The following SRC variants were observed in gnomAD, a reference collection of about 807,000 sequenced individuals.
SRC encodes SRC proto-oncogene, non-receptor tyrosine kinase, also known as proto-oncogene tyrosine-protein kinase Src.
SRC carries 13 observed loss-of-function variants against 62.9 expected under a neutral mutation model. The observed-to-expected ratio is 0.21, with a 90% CI of 0.13 to 0.33. SRC has a LOEUF of 0.33. SRC is among the 10% of genes least tolerant of loss of function. The pLI, the probability that SRC is intolerant of heterozygous loss-of-function variation, is 1.00. For missense variants in SRC, 457 were observed against 737.3 expected, an observed-to-expected ratio of 0.62 and a Z score of 4.40; for synonymous variants, 302 against 317.5, an observed-to-expected ratio of 0.95 and a Z score of 0.52.
intron 2 of SRC, among the ~76,000 whole-genome samples, chr20:37,372,837 G>A (rs1284951305): frequency 6.6e-6 from 1 of 151,880 alleles, no homozygotes; most frequent in African/African-American, 2.4e-5. Context: ...TATCATATGA[G>A]TTGCAATTAT....
intron 1 of SRC, among the ~76,000 whole-genome samples, chr20:37,362,362 C>T (rs1302884857): frequency 6.6e-6 from 1 of 152,112 alleles, no homozygotes; most frequent in South Asian, 2.1e-4. Flanking sequence ...CTCCTGGCCG[C>T]ACAGTGATTC....
At chr20:37,401,732 C>T in intron 11 of SRC, 54 bp downstream of exon 11, 1 of 1,402,544 alleles carries the variant, frequency 7.1e-7, no homozygotes, top group South Asian at 1.2e-5. Flanking sequence ...CACCCAGACC[C>T]ATCTGGTGCA....
chr20:37,378,934 G>A (rs7347850), intron 2 of SRC, among the ~76,000 whole-genome samples: 37,818 of 150,848 alleles, frequency 0.25, 5,893 homozygotes, highest in African/African-American at 0.45. Context: ...GGCTTGGCAC[G>A]TGGCAGGTGC....
chr20:37,355,167 G>A (rs1666487352), intron 1 of SRC, among the ~76,000 whole-genome samples: 1 of 152,140 alleles, frequency 6.6e-6, no homozygotes. Flanking sequence ...GATTTTGGGT[G>A]ATGCTGACTC....
chr20:37,401,057 C>T (rs1257318010), intron 10 of SRC, among the ~76,000 whole-genome samples: 3 of 151,992 alleles, frequency 2.0e-5, no homozygotes, highest in East Asian at 1.9e-4. Context: ...AGTGCAGTGG[C>T]GTGATCATAG....
At position 37,396,211 on chromosome 20, in the gene SRC, C is replaced by T. The variant is rs769476998; in HGVS notation, c.603C>T (p.Asn201=). The T allele has an allele frequency of 1.7e-5, 27 of 1,613,888 alleles. No individual in the cohort carries two copies. Among genetic ancestry groups the T allele is most frequent in the Admixed American group, 8.3e-5 (5 of 60,008 alleles). ...ACTTCGACAACGCCAAGGGCCTCAA[C>T]GTGAAGCACTACAAGATCCGCAAGC... The part of the protein sequence containing the change: ...VSDFDNAKGL[N]VKHYKIRKLD... Residue 201 remains asparagine (N), a synonymous_variant, in exon 8 of 14, where the codon AAC becomes AAT. Coordinates refer to ENST00000373578, the MANE Select transcript of SRC (RefSeq NM_198291.3). This position sits in a 1 kb window ranked among gnomAD's most constrained non-coding sequence, Gnocchi z 6.1.
chr20:37,394,564 C>T (rs2070608929), intron 7 of SRC, among the ~76,000 whole-genome samples: 1 of 152,126 alleles, frequency 6.6e-6, no homozygotes, highest in Admixed American at 6.5e-5. Context: ...CAGTAACAGG[C>T]TCGTTCCCAG....
Position 37,402,447 on chromosome 20 carries a change from A to G in SRC, c.1129A>G (p.Met377Val). Residue 377 changes from methionine (M) to valine (V), a missense_variant, in exon 12 of 14, where the codon ATG (methionine) becomes GTG (valine). Met to Val is a conservative substitution (Grantham distance 21). Coordinates refer to ENST00000373578, the MANE Select transcript of SRC (RefSeq NM_198291.3). This position sits in a 1 kb window ranked among gnomAD's most constrained non-coding sequence, Gnocchi z 6.2. ...GTTCCGCCTGCAGATCGCCTCAGGC[A>G]TGGCGTACGTGGAGCGGATGAACTA... ...VDMAAQIASG[M>V]AYVERMNYVH... 6.2e-7 allele frequency: 1 copy of G among 1,613,476 alleles called. No homozygotes were observed. The highest frequency in any genetic ancestry group is 8.5e-7 in the Non-Finnish European group (1 of 1,179,748).
At chr20:37,373,212 A>G (rs748687804) in intron 2 of SRC, among the ~76,000 whole-genome samples, 2 of 146,532 alleles carry the variant, frequency 1.4e-5, no homozygotes, top group East Asian at 1.9e-4. Flanking sequence ...ATATCTACAC[A>G]CATGTACATA....
intron 2 of SRC, among the ~76,000 whole-genome samples, chr20:37,369,106 GA>G (rs1450677905): frequency 7.2e-5 from 11 of 152,130 alleles, no homozygotes; most frequent in Non-Finnish European, 2.9e-5. Context: ...TTACAGTTTT[GA>G]AATTGAAAAG....
rs1479413147 is a variant in SRC, at chr20:37,384,269, G to C, written c.116G>C (p.Ser39Thr). Residue 39 changes from serine (S) to threonine (T), a missense_variant, in exon 4 of 14, where the codon AGC (serine) becomes ACC (threonine). Physicochemically the swap from Ser to Thr is moderately conservative, Grantham distance 58 (BLOSUM62 1). Coordinates refer to ENST00000373578, the MANE Select transcript of SRC (RefSeq NM_198291.3). This position sits in a 1 kb window ranked among gnomAD's most constrained non-coding sequence, Gnocchi z 6.7. ...GGAFPASQTP[S>T]KPASADGHRG... Reference sequence around the variant, plus strand: ...GCTTTCCCCGCCTCGCAGACCCCCAGCAAGCCAGCCTCGGCCGACGGCCAC... The same window carrying C: ...GCTTTCCCCGCCTCGCAGACCCCCACCAAGCCAGCCTCGGCCGACGGCCAC... The C allele has an allele frequency of 6.4e-7, 1 of 1,552,252 alleles. No individual in the cohort carries two copies. The highest frequency in any genetic ancestry group is 8.6e-7 in the Non-Finnish European group (1 of 1,158,828).
chr20:37,357,770 G>A (rs1254680364), intron 1 of SRC, among the ~76,000 whole-genome samples: 3 of 152,218 alleles, frequency 2.0e-5, no homozygotes, highest in Non-Finnish European at 2.9e-5. Context: ...ACAGGTGGTC[G>A]AGCAAGGCCT....
chr20:37,360,088 A>T (rs1461181976), intron 1 of SRC, among the ~76,000 whole-genome samples: 1 of 152,062 alleles, frequency 6.6e-6, no homozygotes, highest in African/African-American at 2.4e-5. Flanking sequence ...AATGACAGGC[A>T]TCTTATTTCA....
chr20:37,377,372 G>A (rs1300974479), intron 2 of SRC, among the ~76,000 whole-genome samples: 7 of 152,222 alleles, frequency 4.6e-5, no homozygotes, highest in African/African-American at 9.6e-5. Flanking sequence ...GCCAGGACTC[G>A]AACCCAGGTT....
At chr20:37,360,052 A>G (rs1298492189) in intron 1 of SRC, among the ~76,000 whole-genome samples, 1 of 151,730 alleles carries the variant, frequency 6.6e-6, no homozygotes, top group East Asian at 1.9e-4. Context: ...GTTCTATCCC[A>G]TCCTATCTTG....
chr20:37,355,271 C>T (rs2069864894), intron 1 of SRC, among the ~76,000 whole-genome samples: 1 of 151,668 alleles, frequency 6.6e-6, no homozygotes, highest in Admixed American at 6.6e-5. Context: ...CCGAAGGCCC[C>T]GGAACCAGAT....
At chr20:37,390,276 T>C (rs2070525375) in intron 5 of SRC, among the ~76,000 whole-genome samples, 2 of 152,152 alleles carry the variant, frequency 1.3e-5, no homozygotes, top group South Asian at 4.1e-4. Context: ...TGTGCTGCTT[T>C]GGTTTTTAAA....
At chr20:37,380,773 T>G (rs542787578) in intron 2 of SRC, among the ~76,000 whole-genome samples, 2 of 152,304 alleles carry the variant, frequency 1.3e-5, no homozygotes, top group South Asian at 4.1e-4. Context: ...CGTCTTGCGT[T>G]GCTGTGACGC....
At chr20:37,362,148 G>A (rs181105866) in intron 1 of SRC, among the ~76,000 whole-genome samples, 14 of 152,036 alleles carry the variant, frequency 9.2e-5, no homozygotes, top group Admixed American at 8.5e-4. Flanking sequence ...TCAAACTCCT[G>A]GGTGCAAGCA....
Sources: allele counts gnomAD v4.1 joint callset (sites outside exome capture counted in the v4.1 genomes callset), GRCh38; gene constraint gnomAD v4.1.1; non-coding constraint Gnocchi (gnomAD v3.1); transcripts MANE v1.5; gene names NCBI Gene and HGNC (gene_info 2026-07-23, HGNC 2026-07-21).